Variants in NELL2 observed in about 807,000 individuals in gnomAD.
NELL2 encodes neural EGFL like 2.
Under a neutral mutation model 109.6 loss-of-function variants are expected in NELL2, and 41 were observed. That is an observed-to-expected ratio of 0.37 (90% CI 0.29 to 0.49). The LOEUF (loss-of-function observed/expected upper bound fraction) is 0.49, where lower values mean the gene tolerates loss of function less well. Ranked by LOEUF, NELL2 falls within the 20% of genes least tolerant of loss-of-function variation. NELL2 has a pLI of 0.98. For missense variants in NELL2, 900 were observed against 1,008.3 expected (o/e 0.89, Z 1.45); for synonymous variants, 355 against 344.7 (o/e 1.03, Z -0.33).
chr12:44,892,754 C>T (rs1196630226), intron 1 of NELL2, among the ~76,000 whole-genome samples: 2 of 140,480 alleles, frequency 1.4e-5, no homozygotes, highest in African/African-American at 2.7e-5. Flanking sequence ...GCCGAGATCG[C>T]ACCACTGCAC....
In NELL2 at chr12:44,876,308, G is replaced by A; in HGVS notation, c.-439C>T. The stretch of plus-strand genomic sequence containing the variant: ...GCCGCCCGAACCTGTTGTAAAGGCA[G>A]AGACAATGGAGAAAGCTCCGGGAGA... On this transcript the variant is annotated 5_prime_UTR_variant, in exon 1 of 20. Transcript: ENST00000429094. 2.6e-6 allele frequency: 3 copies of A among 1,171,438 alleles called. No homozygotes were observed. The highest frequency in any genetic ancestry group is 3.2e-6 in the Non-Finnish European group (3 of 945,726). The allele number at this position is 1,171,438 out of a possible 1,614,324, so 72.6% of individuals were successfully genotyped here. A position where few individuals can be genotyped will look rare whatever the true frequency, so the allele number is the denominator to read the frequency against.
At chr12:44,818,783 C>T (rs1164261166) in intron 2 of NELL2, among the ~76,000 whole-genome samples, 4 of 132,748 alleles carry the variant, frequency 3.0e-5, no homozygotes, top group South Asian at 2.4e-4. Context: ...TCGCCCAGGC[C>T]GGACTGCGGA....
chr12:44,676,147 A>G (rs1040469736), intron 12 of NELL2, among the ~76,000 whole-genome samples: 4 of 152,166 alleles, frequency 2.6e-5, no homozygotes, highest in Non-Finnish European at 4.4e-5. Context: ...ATTGAAAAAT[A>G]ATACAGATCA....
At chr12:44,586,273 T>G (rs1944496526) in intron 15 of NELL2, among the ~76,000 whole-genome samples, 1 of 149,112 alleles carries the variant, frequency 6.7e-6, no homozygotes, top group Non-Finnish European at 1.5e-5. Flanking sequence ...GCAATGAACT[T>G]TGCAGTGTGA....
chr12:44,656,336 T>C (rs1376013843), intron 13 of NELL2, among the ~76,000 whole-genome samples: 7 of 152,132 alleles, frequency 4.6e-5, no homozygotes, highest in South Asian at 4.1e-4. Flanking sequence ...TAAGCCCCTA[T>C]TCACAGGTAC....
intron 13 of NELL2, among the ~76,000 whole-genome samples, chr12:44,647,604 G>C (rs1947139023): frequency 1.3e-5 from 2 of 152,156 alleles, no homozygotes; most frequent in Admixed American, 1.3e-4. Context: ...GACTAGGAAG[G>C]TGAATACTAA....
At chr12:44,552,048 G>C (rs1943061283) in intron 15 of NELL2, among the ~76,000 whole-genome samples, 1 of 152,118 alleles carries the variant, frequency 6.6e-6, no homozygotes, top group South Asian at 2.1e-4. Flanking sequence ...TGCTAAGCTT[G>C]GGGAGTTTCC....
Position 44,887,792 on chromosome 12 carries a change from G to A in NELL2, c.39-11892C>T, listed in dbSNP as rs536211009. Among the ~76,000 whole-genome samples, 26 of 151,860 alleles carry A rather than the reference G, an allele frequency of 1.7e-4. No homozygotes were observed. The South Asian group carries it at 2.9e-3, about 17-fold the overall frequency. On this transcript the variant is annotated intron_variant, in intron 1 of 20. Coordinates refer to the NELL2 transcript ENST00000333837. ...TCCCACTTTGTGGGTTGTCTCTTTC[G>A]TTTTGTTGATTGTTTCCTTTGCTGT...
At chr12:44,869,111 T>C (rs1025700892) in intron 2 of NELL2, among the ~76,000 whole-genome samples, 4 of 152,118 alleles carry the variant, frequency 2.6e-5, no homozygotes, top group African/African-American at 4.8e-5. Flanking sequence ...GCGCTGCATA[T>C]AATCCATTCT....
intron 17 of NELL2, chr12:44,522,854 T>C (rs545776965): frequency 5.4e-4 from 86 of 158,314 alleles, no homozygotes; most frequent in Non-Finnish European, 2.6e-4. Context: ...TTAGCATGGT[T>C]AGTAATAAAA....
intron 13 of NELL2, among the ~76,000 whole-genome samples, chr12:44,622,616 T>A (rs1946099374): frequency 6.6e-6 from 1 of 152,260 alleles, no homozygotes; most frequent in South Asian, 2.1e-4. Context: ...AAAACAACCA[T>A]AGCATTCCAA....
chr12:44,777,372 C>T, intron 5 of NELL2, 58 bp from the exon 6 acceptor site: 9 of 1,371,560 alleles, frequency 6.6e-6, no homozygotes, highest in Middle Eastern at 1.9e-4. Flanking sequence ...AAATTATGTT[C>T]AATGGTCAAG....
At position 44,857,085 on chromosome 12, in the gene NELL2, C is replaced by T. The variant is rs11182715; in HGVS notation, c.184+18140G>A. Reference sequence around the variant, plus strand: ...TACTAAGAGAGCACATAAAAAGTAACAAACAATAATTCCACCAAAGGAAGA... The same window carrying T: ...TACTAAGAGAGCACATAAAAAGTAATAAACAATAATTCCACCAAAGGAAGA... On this transcript the variant is annotated intron_variant, in intron 2 of 19. Coordinates refer to ENST00000429094, the MANE Select transcript of NELL2 (RefSeq NM_001145108.2). Among the ~76,000 whole-genome samples the T allele has an allele frequency of 5.8e-3, 882 of 152,176 alleles. 37 individuals are homozygous for T. The East Asian group carries it at 0.12, about 21-fold the overall frequency.
At chr12:44,659,092 C>A (rs972266264) in intron 13 of NELL2, among the ~76,000 whole-genome samples, 2 of 151,990 alleles carry the variant, frequency 1.3e-5, no homozygotes, top group Non-Finnish European at 2.9e-5. Flanking sequence ...CAAAAACAAG[C>A]AATGGGGAAA....
At chr12:44,679,264 T>C (rs1948419579) in intron 12 of NELL2, among the ~76,000 whole-genome samples, 2 of 152,222 alleles carry the variant, frequency 1.3e-5, no homozygotes, top group East Asian at 1.9e-4. Flanking sequence ...AAGAAGTTAC[T>C]GTCTGTTTCT....
intron 13 of NELL2, among the ~76,000 whole-genome samples, chr12:44,655,868 T>C (rs1030353778): frequency 2.6e-5 from 4 of 152,072 alleles, no homozygotes; most frequent in Non-Finnish European, 5.9e-5. Context: ...GGGCATACTT[T>C]ACATTTTAAA....
In NELL2 at chr12:44,703,756, C is replaced by A. The variant is rs762232220; in HGVS notation, c.1288G>T (p.Ala430Ser). ...CAGTAGGCATTATCCTCTCGAAGAG[C>A]CCTAAAACCATCTCGACAGCTACAA... ...AVCSCRDGFRALREDNAYCED... is the reference protein window; with the variant it reads ...AVCSCRDGFRSLREDNAYCED... The change falls in exon 12 of 20, where the codon GCT (alanine) becomes TCT (serine). Residue 430 changes from alanine to serine, a missense_variant. Around this residue, in one of 4 missense-constraint regions of NELL2, gnomAD observed 292 missense variants for 265.3 expected, o/e 1.10. Transcript: ENST00000429094. The A allele has an allele frequency of 1.2e-6, 2 of 1,613,530 alleles. No homozygotes were observed. The highest frequency in any genetic ancestry group is 2.2e-5 in the South Asian group (2 of 91,082).
At chr12:44,587,181 A>T (rs1412216608) in intron 15 of NELL2, among the ~76,000 whole-genome samples, 4 of 149,216 alleles carry the variant, frequency 2.7e-5, no homozygotes, top group Non-Finnish European at 4.4e-5. Flanking sequence ...CTGAGGCAGG[A>T]GAATGGTGTG....
chr12:44,839,367 A>C (rs950092109), intron 2 of NELL2, among the ~76,000 whole-genome samples: 11 of 152,222 alleles, frequency 7.2e-5, no homozygotes, highest in African/African-American at 2.7e-4. Context: ...GGAAGAAACA[A>C]AAATGACCTG....
Sources: allele counts gnomAD v4.1 joint callset (sites outside exome capture counted in the v4.1 genomes callset), GRCh38; gene constraint gnomAD v4.1.1; regional missense constraint gnomAD v4.1.1; transcripts MANE v1.5; gene names NCBI Gene and HGNC (gene_info 2026-07-23, HGNC 2026-07-21).